The following ATP2B2 variants were observed in gnomAD, a reference collection of about 807,000 sequenced individuals.
ATP2B2 encodes plasma membrane calcium-transporting ATPase 2.
A neutral mutation model predicts 120.0 loss-of-function variants in ATP2B2; 15 were observed. The observed-to-expected ratio is 0.12, with a 90% CI of 0.08 to 0.19. ATP2B2 has a LOEUF of 0.19. Among genes scored for constraint, ATP2B2 ranks in the 10% least tolerant of loss-of-function variants. ATP2B2 has a pLI of 1.00. For synonymous variants in ATP2B2, 694 were observed against 700.3 expected (o/e 0.99, Z 0.14); for missense variants, 1,045 against 1,719.8 (o/e 0.61, Z 6.94).
chr3:10,627,719 T>C (rs954726942), intron 1 of ATP2B2, among the ~76,000 whole-genome samples: 2 of 152,160 alleles, frequency 1.3e-5, no homozygotes, highest in African/African-American at 2.4e-5. Context: ...TTACTAAATG[T>C]TTATTGAGCA....
chr3:10,702,698 A>G (rs1404222936), intron 1 of ATP2B2, among the ~76,000 whole-genome samples: 2 of 152,128 alleles, frequency 1.3e-5, no homozygotes, highest in African/African-American at 2.4e-5. Context: ...CCTAAGTCCC[A>G]CTTTTTATTT....
intron 2 of ATP2B2, among the ~76,000 whole-genome samples, chr3:10,612,194 C>T (rs1169309335): frequency 6.6e-6 from 1 of 152,112 alleles, no homozygotes. Flanking sequence ...CCACTTTAAC[C>T]CCTCCCCAGG....
intron 2 of ATP2B2, among the ~76,000 whole-genome samples, chr3:10,571,101 G>A (rs963349106): frequency 2.0e-5 from 3 of 152,224 alleles, no homozygotes; most frequent in African/African-American, 7.2e-5. Flanking sequence ...TGGTGGTGGG[G>A]GAAAGGTGGA....
At chr3:10,484,873 C>T (rs1024607229) in intron 1 of ATP2B2, among the ~76,000 whole-genome samples, 7 of 152,338 alleles carry the variant, frequency 4.6e-5, no homozygotes, top group South Asian at 4.1e-4. Context: ...CTCACGTCTG[C>T]GCAGATTCCT....
intron 2 of ATP2B2, among the ~76,000 whole-genome samples, chr3:10,416,955 C>T (rs575786191): frequency 1.9e-4 from 26 of 139,092 alleles, no homozygotes; most frequent in East Asian, 4.6e-4. Flanking sequence ...TGGTGGGTGG[C>T]GGGGCAGAGC....
intron 1 of ATP2B2, among the ~76,000 whole-genome samples, chr3:10,657,132 C>T (rs1045134759): frequency 2.6e-5 from 4 of 152,196 alleles, no homozygotes; most frequent in Non-Finnish European, 5.9e-5. Context: ...TCTTTGGCTG[C>T]TTCTGTTTGG....
chr3:10,361,095 G>A (rs2060884971), intron 12 of ATP2B2, among the ~76,000 whole-genome samples: 3 of 152,184 alleles, frequency 2.0e-5, no homozygotes, highest in Admixed American at 2.0e-4. Context: ...CTGATAATCT[G>A]TTCCTTTTGA....
intron 11 of ATP2B2, among the ~76,000 whole-genome samples, chr3:10,373,687 T>A (rs544938059): frequency 6.6e-6 from 1 of 152,326 alleles, no homozygotes; most frequent in Non-Finnish European, 1.5e-5. Flanking sequence ...CACTGGTTTC[T>A]TTTTCCTTTT....
chr3:10,675,650 C>G (rs571878214), intron 1 of ATP2B2, among the ~76,000 whole-genome samples: 7 of 152,310 alleles, frequency 4.6e-5, no homozygotes, highest in African/African-American at 1.7e-4. Flanking sequence ...TCCATGCCAA[C>G]ATTGCCCTGC....
At chr3:10,482,427 C>A (rs2065451851) in intron 1 of ATP2B2, among the ~76,000 whole-genome samples, 1 of 152,226 alleles carries the variant, frequency 6.6e-6, no homozygotes, top group Non-Finnish European at 1.5e-5. Flanking sequence ...GCCCCTGCTG[C>A]CTCAATTGCC....
chr3:10,621,652 A>G (rs2069552309), intron 1 of ATP2B2, among the ~76,000 whole-genome samples: 2 of 152,176 alleles, frequency 1.3e-5, no homozygotes, highest in African/African-American at 4.8e-5. Flanking sequence ...GCTCCCTTTG[A>G]CAATAGCAAT....
chr3:10,443,683 A>C (rs775868926), intron 2 of ATP2B2, among the ~76,000 whole-genome samples: 1 of 152,182 alleles, frequency 6.6e-6, no homozygotes, highest in South Asian at 2.1e-4. Flanking sequence ...GCCGTGCCGG[A>C]GGCCAGACCT....
In ATP2B2 at chr3:10,375,577, G is replaced by A; in HGVS notation, c.1269C>T (p.Val423=). The change falls in exon 11 of 23, where the codon GTC becomes GTT. Residue 423 remains valine (V), a synonymous_variant. Coordinates refer to ENST00000360273, the MANE Select transcript of ATP2B2 (RefSeq NM_001001331.4). The surrounding 1 kb of genome is among the most constrained non-coding windows in gnomAD (Gnocchi z 4.2). ...ACTCAGGCAGCCACGGCTTCTTGTT[G>A]ACCACGAAGGTGTCCACAGTGAAGT... ...VLYFTVDTFV[V]NKKPWLPECT... 1 of 1,613,768 alleles carries A rather than the reference G, an allele frequency of 6.2e-7. No homozygotes were observed.
At chr3:10,524,738 G>A (rs1024183232) in intron 3 of ATP2B2, among the ~76,000 whole-genome samples, 6 of 152,118 alleles carry the variant, frequency 3.9e-5, no homozygotes, top group African/African-American at 1.2e-4. Flanking sequence ...TTGGGGCAAG[G>A]ACATTGAGAC....
intron 1 of ATP2B2, among the ~76,000 whole-genome samples, chr3:10,497,056 A>G (rs1321067679): frequency 6.6e-6 from 1 of 152,204 alleles, no homozygotes; most frequent in East Asian, 1.9e-4. Flanking sequence ...GGCTCTGCTG[A>G]CCTTGGGCAG....
intron 3 of ATP2B2, among the ~76,000 whole-genome samples, chr3:10,512,461 T>G (rs1013460207): frequency 3.0e-4 from 31 of 102,980 alleles, no homozygotes; most frequent in African/African-American, 1.1e-3. Flanking sequence ...CTAAAGTGTG[T>G]GCGCACACAC....
chr3:10,617,357 A>C (rs2069418932), intron 2 of ATP2B2, among the ~76,000 whole-genome samples: 1 of 152,256 alleles, frequency 6.6e-6, no homozygotes, highest in Admixed American at 6.5e-5. Flanking sequence ...ATTTTAGATA[A>C]AATAAAAAGA....
chr3:10,358,778 C>T lies in ATP2B2; in HGVS notation c.2049G>A (p.Pro683=), dbSNP rs768140147. The T allele has an allele frequency of 2.0e-5, 32 of 1,614,094 alleles. No individual in the cohort carries two copies. Among genetic ancestry groups the T allele is most frequent in the Middle Eastern group, 1.6e-4 (1 of 6,084 alleles). ...CATTCTCATTGTCCCAGTCCGGCTC[C>T]GGGCTGCTGGGGAAGTCGCGGTAGG... ...CVAYRDFPSS[P]EPDWDNENDI... The change falls in exon 14 of 23, where the codon CCG becomes CCA. Residue 683 remains proline, a synonymous_variant. Coordinates refer to ENST00000360273, the MANE Select transcript of ATP2B2 (RefSeq NM_001001331.4).
intron 16 of ATP2B2, among the ~76,000 whole-genome samples, chr3:10,349,242 C>T (rs57932382): frequency 0.015 from 2,298 of 152,218 alleles, 47 homozygotes; most frequent in South Asian, 0.045. Context: ...TGCTTGAGGC[C>T]AGGAGTTTGC....
Sources: allele counts gnomAD v4.1 joint callset (sites outside exome capture counted in the v4.1 genomes callset), GRCh38; gene constraint gnomAD v4.1.1; non-coding constraint Gnocchi (gnomAD v3.1); transcripts MANE v1.5; gene names NCBI Gene and HGNC (gene_info 2026-07-23, HGNC 2026-07-21).